Variants in PDE1A observed in about 807,000 individuals in gnomAD.
PDE1A encodes dual specificity calcium/calmodulin-dependent 3',5'-cyclic nucleotide phosphodiesterase 1A.
A neutral mutation model predicts 61.7 loss-of-function variants in PDE1A; 35 were observed. The observed-to-expected ratio is 0.57, with a 90% CI of 0.43 to 0.75. The LOEUF (loss-of-function observed/expected upper bound fraction) is 0.75. PDE1A is among the 30% of genes least tolerant of loss of function. The pLI is 0.00. For synonymous variants in PDE1A, 232 were observed against 213.2 expected, an observed-to-expected ratio of 1.09 and a Z score of -0.77; for missense variants, 597 against 630.6, an observed-to-expected ratio of 0.95 and a Z score of 0.57.
intron 7 of PDE1A, among the ~76,000 whole-genome samples, chr2:182,207,535 A>C (rs1687215319): frequency 6.6e-6 from 1 of 152,214 alleles, no homozygotes; most frequent in Non-Finnish European, 1.5e-5. Flanking sequence ...AATTACCTGA[A>C]ACTGGAACTT....
At chr2:182,649,434 G>C in the PDE1A span, among the ~76,000 whole-genome samples, 1 of 152,006 alleles carries the variant, frequency 6.6e-6, no homozygotes, top group East Asian at 1.9e-4. Context: ...GTTTTTTCAG[G>C]GGGCAGGTAA....
chr2:182,624,790 A>C, the PDE1A span, among the ~76,000 whole-genome samples: 5 of 152,296 alleles, frequency 3.3e-5, no homozygotes, highest in East Asian at 9.6e-4. Context: ...GATACCAGAC[A>C]ACCAAGAACA....
chr2:182,354,945 T>A (rs1699090648), intron 1 of PDE1A, among the ~76,000 whole-genome samples: 1 of 152,034 alleles, frequency 6.6e-6, no homozygotes, highest in Non-Finnish European at 1.5e-5. Context: ...CCAAAGTATT[T>A]TTAATAAGGT....
chr2:182,366,630 C>T, intron 1 of PDE1A, among the ~76,000 whole-genome samples: 1 of 72,194 alleles, frequency 1.4e-5, no homozygotes, highest in South Asian at 7.5e-4. Flanking sequence ...AAGCTCATTT[C>T]ACATGAGACA....
At chr2:182,363,287 T>C (rs1339784036) in intron 1 of PDE1A, among the ~76,000 whole-genome samples, 1 of 151,958 alleles carries the variant, frequency 6.6e-6, no homozygotes, top group Non-Finnish European at 1.5e-5. Context: ...TATATGTTCC[T>C]ATACAAAATA....
chr2:182,220,625 T>C (rs1207589586), intron 7 of PDE1A, among the ~76,000 whole-genome samples: 1 of 152,062 alleles, frequency 6.6e-6, no homozygotes. Flanking sequence ...GCATTTTCTT[T>C]TCACAAAGAG....
At chr2:182,209,056 T>G (rs543957621) in intron 7 of PDE1A, among the ~76,000 whole-genome samples, 1 of 152,232 alleles carries the variant, frequency 6.6e-6, no homozygotes, top group East Asian at 1.9e-4. Flanking sequence ...GAGAAGGACA[T>G]GTGATTCAGG....
intron 2 of PDE1A, among the ~76,000 whole-genome samples, chr2:182,502,892 G>A (rs1195155241): frequency 6.6e-6 from 1 of 152,054 alleles, no homozygotes; most frequent in Non-Finnish European, 1.5e-5. Flanking sequence ...GATGATTTTT[G>A]AAATAGGCAC....
At chr2:182,712,603 C>A in the PDE1A span, among the ~76,000 whole-genome samples, 1 of 152,078 alleles carries the variant, frequency 6.6e-6, no homozygotes, top group South Asian at 2.1e-4. Flanking sequence ...GTTGCCTAAG[C>A]TGGAGTGCAG....
intron 2 of PDE1A, among the ~76,000 whole-genome samples, chr2:182,437,026 T>G (rs939364973): frequency 4.6e-5 from 7 of 151,970 alleles, no homozygotes; most frequent in Non-Finnish European, 1.0e-4. Flanking sequence ...CAGAGACACA[T>G]TTATCTGGTT....
chr2:182,564,700 T>C, the PDE1A span, among the ~76,000 whole-genome samples: 2 of 152,310 alleles, frequency 1.3e-5, no homozygotes, highest in Admixed American at 1.3e-4. Flanking sequence ...CAATCAGACG[T>C]AGATTTGGTC....
intron 2 of PDE1A, among the ~76,000 whole-genome samples, chr2:182,498,630 C>G (rs940673652): frequency 6.6e-6 from 1 of 152,056 alleles, no homozygotes; most frequent in Non-Finnish European, 1.5e-5. Flanking sequence ...ACTGAAAGGA[C>G]CAGTCAATTT....
At chr2:182,670,990 G>C in the PDE1A span, among the ~76,000 whole-genome samples, 6 of 151,470 alleles carry the variant, frequency 4.0e-5, no homozygotes, top group African/African-American at 1.5e-4. Context: ...GCTAATTTTT[G>C]TATTTTTAGT....
Position 182,150,780 on chromosome 2 carries a change from T to C in PDE1A, c.1517-3628A>G, listed in dbSNP as rs546291550. Among the ~76,000 whole-genome samples, 97 of 152,322 alleles carry C rather than the reference T, an allele frequency of 6.4e-4. 1 individual carries two copies. The highest frequency in any genetic ancestry group is 2.2e-3 in the African/African-American group (91 of 41,580). The stretch of plus-strand genomic sequence containing the variant: ...CCAACAGAAATCCTCTAAATTTAGC[T>C]AATCTAGGCTTTTAGATTGCAATTT... On this transcript the variant is annotated intron_variant, in intron 13 of 13. Transcript: ENST00000409365.
At chr2:182,473,047 G>A (rs1687135425) in intron 2 of PDE1A, among the ~76,000 whole-genome samples, 1 of 151,374 alleles carries the variant, frequency 6.6e-6, no homozygotes, top group Non-Finnish European at 1.5e-5. Context: ...GTGCCATGCT[G>A]GTGTGCTGCA....
the PDE1A span, among the ~76,000 whole-genome samples, chr2:182,634,212 A>C: frequency 1.3e-5 from 2 of 152,186 alleles, no homozygotes; most frequent in Non-Finnish European, 1.5e-5. Context: ...TCCTTTAAAC[A>C]TTCCATCTGA....
chr2:182,618,039 C>T, the PDE1A span, among the ~76,000 whole-genome samples: 1 of 152,168 alleles, frequency 6.6e-6, no homozygotes. Context: ...TTTCATTCAT[C>T]CTGTTTTCTT....
At chr2:182,485,528 A>G (rs1012487687) in intron 2 of PDE1A, among the ~76,000 whole-genome samples, 1 of 152,058 alleles carries the variant, frequency 6.6e-6, no homozygotes, top group African/African-American at 2.4e-5. Context: ...GTTTTTTTAA[A>G]AAGCTATAGT....
chr2:182,232,695 G>C (rs1689681642), intron 4 of PDE1A, among the ~76,000 whole-genome samples: 1 of 152,108 alleles, frequency 6.6e-6, no homozygotes, highest in Non-Finnish European at 1.5e-5. Context: ...TATAAGTTCT[G>C]TTAGAAGGCA....
Sources: gnomAD v4.1 joint callset for allele counts (sites outside exome capture counted in the v4.1 genomes callset) on GRCh38, gnomAD v4.1.1 for gene constraint, MANE v1.5 for transcripts, NCBI Gene and HGNC (gene_info 2026-07-23, HGNC 2026-07-21) for gene names.